The following SUCLG2 variants were observed in gnomAD, a reference collection of about 807,000 sequenced individuals.
SUCLG2 encodes succinate-CoA ligase GDP-forming subunit beta, also known as succinate--CoA ligase [GDP-forming] subunit beta, mitochondrial.
SUCLG2 carries 42 observed loss-of-function variants against 47.9 expected under a neutral mutation model. That is an observed-to-expected ratio of 0.88 (90% confidence interval 0.69 to 1.14). The LOEUF (loss-of-function observed/expected upper bound fraction) is 1.14, where lower values mean the gene tolerates loss of function less well. SUCLG2 is among the 50% of genes most tolerant of loss of function. SUCLG2 has a pLI of 0.00. For missense variants in SUCLG2, 571 were observed against 525.9 expected, an observed-to-expected ratio of 1.09 and a Z score of -0.84; for synonymous variants, 195 against 197.3, an observed-to-expected ratio of 0.99 and a Z score of 0.10.
intron 2 of SUCLG2, among the ~76,000 whole-genome samples, chr3:67,549,118 T>C (rs952091040): frequency 9.2e-5 from 14 of 152,218 alleles, no homozygotes; most frequent in African/African-American, 3.4e-4. Flanking sequence ...AATAGCTGCA[T>C]CCACAAGTTT....
intron 9 of SUCLG2, among the ~76,000 whole-genome samples, chr3:67,433,009 A>G (rs765935441): frequency 1.3e-5 from 2 of 152,214 alleles, no homozygotes; most frequent in Non-Finnish European, 2.9e-5. Flanking sequence ...TGAATAGGTA[A>G]GAAATAAAGC....
intron 9 of SUCLG2, among the ~76,000 whole-genome samples, chr3:67,405,665 T>C (rs1239529290): frequency 1.3e-5 from 2 of 152,176 alleles, no homozygotes; most frequent in Non-Finnish European, 2.9e-5. Flanking sequence ...GTGCACACCA[T>C]ATGTATTCAG....
At chr3:67,573,395 T>G (rs531427761) in intron 2 of SUCLG2, among the ~76,000 whole-genome samples, 4 of 152,370 alleles carry the variant, frequency 2.6e-5, no homozygotes, top group Admixed American at 2.6e-4. Context: ...ATTTTCACTT[T>G]CAAATTTCAA....
intron 2 of SUCLG2, among the ~76,000 whole-genome samples, chr3:67,576,251 A>C (rs1003367133): frequency 6.6e-6 from 1 of 152,238 alleles, no homozygotes; most frequent in African/African-American, 2.4e-5. Flanking sequence ...CTTGTCTGAA[A>C]GACAGGCTCA....
intron 6 of SUCLG2, chr3:67,514,358 A>G: frequency 3.1e-6 from 1 of 324,354 alleles, no homozygotes; most frequent in Non-Finnish European, 6.4e-6. Flanking sequence ...TTCTTGCTGA[A>G]ATAAATCGTC....
chr3:67,494,345 A>T (rs1705276815), intron 9 of SUCLG2, among the ~76,000 whole-genome samples: 2 of 152,368 alleles, frequency 1.3e-5, no homozygotes, highest in South Asian at 4.1e-4. Context: ...TTCTCAAATA[A>T]AAGTTTAGGC....
In SUCLG2 at chr3:67,518,254, T is replaced by C. The variant is rs1706002390; in HGVS notation, c.653A>G (p.Lys218Arg). Residue 218 changes from lysine to arginine, a missense_variant, in exon 6 of 11, where the codon AAA becomes AGA. Transcript: ENST00000307227. ...AENLGFVGPL[K>R]SQAADQITKL... The stretch of plus-strand genomic sequence containing the variant: ...CCCCAATGGCTTATATACCTGGCTT[T>C]TCAAAGGCCCAACGAAGCCTAGATT... The C allele has an allele frequency of 1.9e-6, 3 of 1,611,678 alleles. No individual in the cohort carries two copies. The highest frequency in any genetic ancestry group is 1.7e-6 in the Non-Finnish European group (2 of 1,178,600).
chr3:67,528,224 TAAGAGA>T lies in SUCLG2; in HGVS notation c.327-8_327-3del. On this transcript the variant is annotated splice_polypyrimidine_tract_variant and splice_region_variant and intron_variant, in intron 3 of 10. Coordinates refer to ENST00000307227, the MANE Select transcript of SUCLG2 (RefSeq NM_003848.4). Reference sequence around the variant, plus strand: ...GCCAGCTGTCCCACAACATTAGGGCTAAGAGAAAGAGAAAACAAGCAGAAAATGAAT... The same window carrying T: ...GCCAGCTGTCCCACAACATTAGGGCTAAGAGAAAACAAGCAGAAAATGAAT... 3 of 1,613,270 alleles carry T rather than the reference TAAGAGA, an allele frequency of 1.9e-6. No individual in the cohort carries two copies. The highest frequency in any genetic ancestry group is 2.5e-6 in the Non-Finnish European group (3 of 1,179,398).
intron 5 of SUCLG2, among the ~76,000 whole-genome samples, chr3:67,519,695 G>A (rs1045906112): frequency 6.6e-6 from 1 of 152,134 alleles, no homozygotes; most frequent in African/African-American, 2.4e-5. Flanking sequence ...AATGTTTCTG[G>A]TGGAAAATTG....
At chr3:67,452,368 T>C (rs190690813) in intron 9 of SUCLG2, among the ~76,000 whole-genome samples, 130 of 152,342 alleles carry the variant, frequency 8.5e-4, no homozygotes, top group Non-Finnish European at 1.4e-3. Context: ...TATTGAAATA[T>C]TTTCTAAAAA....
At chr3:67,385,242 C>G (rs1485637281) in intron 10 of SUCLG2, among the ~76,000 whole-genome samples, 1 of 152,184 alleles carries the variant, frequency 6.6e-6, no homozygotes, top group Non-Finnish European at 1.5e-5. Flanking sequence ...AAAACCTCTC[C>G]TTATAAAAAT....
chr3:67,522,305 A>G (rs1439679411), intron 4 of SUCLG2, among the ~76,000 whole-genome samples: 2 of 152,012 alleles, frequency 1.3e-5, no homozygotes, highest in Non-Finnish European at 2.9e-5. Flanking sequence ...TAAGATTCCC[A>G]AAGTGTTGGG....
intron 9 of SUCLG2, among the ~76,000 whole-genome samples, chr3:67,447,027 C>T (rs1173732864): frequency 6.6e-6 from 1 of 152,116 alleles, no homozygotes; most frequent in Non-Finnish European, 1.5e-5. Context: ...AAAATCATCA[C>T]TAGTAATTAG....
intron 2 of SUCLG2, among the ~76,000 whole-genome samples, chr3:67,571,611 C>T (rs781130288): frequency 6.6e-6 from 1 of 152,122 alleles, no homozygotes; most frequent in Non-Finnish European, 1.5e-5. Context: ...AGAAATAAGA[C>T]CATATATTAG....
intron 6 of SUCLG2, among the ~76,000 whole-genome samples, chr3:67,511,785 C>G (rs1407430875): frequency 1.4e-5 from 2 of 144,764 alleles, no homozygotes; most frequent in African/African-American, 5.8e-5. Context: ...TGAATTTTGC[C>G]TATTTTTCTA....
chr3:67,437,521 T>C (rs1427815564), intron 9 of SUCLG2, among the ~76,000 whole-genome samples: 1 of 152,218 alleles, frequency 6.6e-6, no homozygotes, highest in Non-Finnish European at 1.5e-5. Context: ...CATTTAATAG[T>C]TGCTGACTCC....
intron 2 of SUCLG2, among the ~76,000 whole-genome samples, chr3:67,547,071 T>A (rs2107186524): frequency 6.6e-6 from 1 of 152,292 alleles, no homozygotes; most frequent in East Asian, 1.9e-4. Flanking sequence ...ACCCCAAAAT[T>A]CATAAGTTGA....
intron 2 of SUCLG2, among the ~76,000 whole-genome samples, chr3:67,571,595 T>C (rs990134171): frequency 2.5e-4 from 38 of 151,666 alleles, no homozygotes; most frequent in African/African-American, 9.0e-4. Context: ...CAGAATTATT[T>C]ACAGAAGAAA....
chr3:67,530,847 G>A (rs955686099), intron 2 of SUCLG2, among the ~76,000 whole-genome samples: 3 of 152,154 alleles, frequency 2.0e-5, no homozygotes, highest in African/African-American at 7.2e-5. Context: ...CTGAGTAGAA[G>A]ACAAATTAAT....
Sources: gnomAD v4.1 joint callset for allele counts (sites outside exome capture counted in the v4.1 genomes callset) on GRCh38, gnomAD v4.1.1 for gene constraint, MANE v1.5 for transcripts, NCBI Gene and HGNC (gene_info 2026-07-23, HGNC 2026-07-21) for gene names.